DOC2B: variants seen among roughly 807,000 people sequenced by gnomAD.
DOC2B encodes double C2-like domain-containing protein beta.
DOC2B carries 21 observed loss-of-function variants against 28.9 expected under a neutral mutation model. The observed-to-expected ratio is 0.73, with a 90% confidence interval of 0.52 to 1.05. The LOEUF (loss-of-function observed/expected upper bound fraction) is 1.05, where lower values mean the gene tolerates loss of function less well. DOC2B is among the 50% of genes least tolerant of loss of function. The pLI is 0.00. For missense variants in DOC2B, 384 were observed against 421.1 expected, an observed-to-expected ratio of 0.91 and a Z score of 0.77; for synonymous variants, 194 against 178.1, an observed-to-expected ratio of 1.09 and a Z score of -0.71.
Position 144,054 on chromosome 17 carries a change from T to G in DOC2B, c.*3387A>C. 1 of 88,052 alleles carries G rather than the reference T, an allele frequency of 1.1e-5. No homozygotes were observed. The highest frequency in any genetic ancestry group is 3.8e-4 in the South Asian group (1 of 2,600). The allele number at this position is 88,052 out of a possible 1,614,324, so 5.5% of individuals were successfully genotyped here. On this transcript the variant is annotated 3_prime_UTR_variant, in exon 9 of 9. Transcript: ENST00000613549. Reference sequence around the variant, plus strand: ...GCTTCGGGGCTGGAAGACGGGCCCGTCGGGGATTGGCGCAGGCGGCGGGCG... The same window carrying G: ...GCTTCGGGGCTGGAAGACGGGCCCGGCGGGGATTGGCGCAGGCGGCGGGCG...
At chr17:164,507 C>T (rs1012996549) in intron 2 of DOC2B, among the ~76,000 whole-genome samples, 1 of 152,124 alleles carries the variant, frequency 6.6e-6, no homozygotes, top group Non-Finnish European at 1.5e-5. Context: ...CCCTCTCCAC[C>T]CTGCTTTGCT....
Position 156,245 on chromosome 17 carries a change from C to T in DOC2B, c.898G>A (p.Gly300Ser), listed in dbSNP as rs2040133739. 5.2e-6 allele frequency: 8 copies of T among 1,551,160 alleles called. No homozygotes were observed. The highest frequency in any genetic ancestry group is 2.0e-5 in the Admixed American group (1 of 50,878). Residue 300 changes from glycine to serine, a missense_variant, in exon 6 of 9, where the codon GGC (glycine) becomes AGC (serine). Physicochemically the swap from Gly to Ser is moderately conservative, Grantham distance 56 (BLOSUM62 0). Coordinates refer to ENST00000613549, the MANE Select transcript of DOC2B (RefSeq NM_003585.5). ...GTTTTCACGTAGGGGTCCGAGTAGC[C>T]GTTGGCGTCCATGGCGGCCAGGTGG... ...CAHLAAMDAN[G>S]YSDPYVKTYL... is the part of the protein sequence containing the mutation.
At chr17:156,104 C>A in intron 6 of DOC2B, 116 bp downstream of exon 6, 4 of 1,206,324 alleles carry the variant, frequency 3.3e-6, no homozygotes, top group Non-Finnish European at 4.5e-6. Context: ...AACACAGCGC[C>A]CCTGTACCTC....
intron 2 of DOC2B, 127 bp downstream of exon 2, chr17:172,410 C>G: frequency 1.4e-6 from 1 of 694,194 alleles, no homozygotes; most frequent in Non-Finnish European, 2.3e-6. Context: ...GGCCCCGCAC[C>G]CCACACAGCG....
intron 6 of DOC2B, among the ~76,000 whole-genome samples, chr17:155,155 C>T (rs894118322): frequency 6.6e-6 from 1 of 152,092 alleles, no homozygotes; most frequent in Non-Finnish European, 1.5e-5. Context: ...CTACACCAGG[C>T]TAATTTTTAA....
chr17:179,335 GGGCT>G (rs1338167893), intron 1 of DOC2B, among the ~76,000 whole-genome samples: 1 of 152,006 alleles, frequency 6.6e-6, no homozygotes, highest in East Asian at 1.9e-4. Flanking sequence ...ATTGGAGATG[GGGCT>G]GGCTGGCCTG....
chr17:156,408 C>T, intron 5 of DOC2B, 31 bp from the exon 6 acceptor site: 1 of 1,546,996 alleles, frequency 6.5e-7, no homozygotes, highest in Non-Finnish European at 8.7e-7. Flanking sequence ...TCAGTCCTCA[C>T]CTGCTCCCAC....
In DOC2B at chr17:181,433, T is replaced by C; in HGVS notation, c.47A>G (p.Glu16Gly). 8.5e-7 allele frequency: 1 copy of C among 1,170,088 alleles called. No individual in the cohort carries two copies. 72.5% of individuals were successfully genotyped at this position (1,170,088 alleles called of 1,614,324 possible). ...RGEKATISIQ[E>G]HMAIDVCPGP... Reference sequence around the variant, plus strand: ...GGGGCACACGTCGATGGCCATATGCTCCTGGATGCTGATGGTCGCCTTCTC... The same window carrying C: ...GGGGCACACGTCGATGGCCATATGCCCCTGGATGCTGATGGTCGCCTTCTC... Residue 16 changes from glutamate (E) to glycine (G), a missense_variant, in exon 1 of 9, where the codon GAG becomes GGG. Physicochemically the swap from Glu to Gly is moderately conservative, Grantham distance 98 (BLOSUM62 -2). Transcript: ENST00000613549. This position sits in a 1 kb window ranked among gnomAD's most constrained non-coding sequence, Gnocchi z 7.0.
intron 5 of DOC2B, among the ~76,000 whole-genome samples, chr17:156,679 G>A (rs1030667471): frequency 4.6e-5 from 7 of 152,242 alleles, no homozygotes; most frequent in Non-Finnish European, 7.3e-5. Flanking sequence ...GGCCAGATCA[G>A]GCCCGACGCC....
intron 5 of DOC2B, among the ~76,000 whole-genome samples, chr17:157,927 G>A (rs1262992472): frequency 6.6e-6 from 1 of 152,202 alleles, no homozygotes; most frequent in Non-Finnish European, 1.5e-5. Context: ...CATGACAATG[G>A]AGCCTGGTGG....
At chr17:154,300 C>T (rs2040107807) in intron 6 of DOC2B, among the ~76,000 whole-genome samples, 2 of 151,120 alleles carry the variant, frequency 1.3e-5, no homozygotes. Flanking sequence ...CACGCACCTG[C>T]TACACTCCTT....
chr17:150,972 A>G (rs777338264), intron 6 of DOC2B, among the ~76,000 whole-genome samples: 7 of 152,202 alleles, frequency 4.6e-5, no homozygotes, highest in Non-Finnish European at 1.0e-4. Flanking sequence ...GGAAACGGCA[A>G]CACCATTGAG....
At chr17:179,944 ACT>A (rs2151478903) in intron 1 of DOC2B, among the ~76,000 whole-genome samples, 1 of 152,222 alleles carries the variant, frequency 6.6e-6, no homozygotes, top group South Asian at 2.1e-4. Context: ...CCCCGGGGGC[ACT>A]GGTAATCCCT....
At chr17:172,825 AGAG>A (rs2040327903) in intron 1 of DOC2B, among the ~76,000 whole-genome samples, 1 of 152,076 alleles carries the variant, frequency 6.6e-6, no homozygotes, top group South Asian at 2.1e-4. Flanking sequence ...CCCACTTTCC[AGAG>A]GAGGAGCTGA....
At chr17:162,862 C>T (rs182271940) in intron 3 of DOC2B, among the ~76,000 whole-genome samples, 243 of 152,296 alleles carry the variant, frequency 1.6e-3, no homozygotes, top group Middle Eastern at 3.4e-3. Context: ...GAACCCATCC[C>T]GTCCTTGGGT....
At chr17:179,193 G>A (rs956517096) in intron 1 of DOC2B, among the ~76,000 whole-genome samples, 6 of 152,180 alleles carry the variant, frequency 3.9e-5, no homozygotes, top group African/African-American at 1.4e-4. Flanking sequence ...GTTCAAGCTG[G>A]CAAAGCTGCA....
Position 146,633 on chromosome 17 carries a change from C to T in DOC2B, c.*808G>A, listed in dbSNP as rs1228459451. 9 of 152,368 alleles carry T rather than the reference C, an allele frequency of 5.9e-5. No individual in the cohort carries two copies. The highest frequency in any genetic ancestry group is 2.1e-4 in the South Asian group (1 of 4,836). 9.4% of individuals were successfully genotyped at this position (152,368 alleles called of 1,614,324 possible). On this transcript the variant is annotated 3_prime_UTR_variant, in exon 9 of 9. Transcript: ENST00000613549. ...AGGCGTTTTAGACCACTCCCACTGC[C>T]TGGACTGCTTTTAGAAGCCCTCACT...
chr17:144,857 T>C lies in DOC2B; in HGVS notation c.*2584A>G, dbSNP rs964337270. 6.6e-6 allele frequency: 1 copy of C among 152,190 alleles called. No individual in the cohort carries two copies. Among genetic ancestry groups the C allele is most frequent in the Non-Finnish European group, 1.5e-5 (1 of 68,058 alleles). The allele number at this position is 152,190 out of a possible 1,614,324, so 9.4% of individuals were successfully genotyped here. A position where few individuals can be genotyped will look rare whatever the true frequency, so the allele number is the denominator to read the frequency against. The stretch of plus-strand genomic sequence containing the variant: ...GGCCTCACATTCCCCATGTGCCTAA[T>C]AAGGAAGTCATGGTAGGTGGGGGGT... On this transcript the variant is annotated 3_prime_UTR_variant, in exon 9 of 9. Coordinates refer to ENST00000613549, the MANE Select transcript of DOC2B (RefSeq NM_003585.5).
intron 2 of DOC2B, among the ~76,000 whole-genome samples, chr17:166,438 A>G (rs2040265641): frequency 6.6e-6 from 1 of 152,266 alleles, no homozygotes; most frequent in African/African-American, 2.4e-5. Flanking sequence ...GGCAAGAGAC[A>G]TAAACTGATC....
Sources: gnomAD v4.1 joint callset for allele counts (sites outside exome capture counted in the v4.1 genomes callset) on GRCh38, gnomAD v4.1.1 for gene constraint, Gnocchi (gnomAD v3.1) non-coding constraint, MANE v1.5 for transcripts, NCBI Gene and HGNC (gene_info 2026-07-23, HGNC 2026-07-21) for gene names.